The following CDKAL1 variants were observed in gnomAD, a reference collection of about 807,000 sequenced individuals.
CDKAL1 encodes threonylcarbamoyladenosine tRNA methylthiotransferase.
A neutral mutation model predicts 68.2 loss-of-function variants in CDKAL1; 32 were observed. The observed-to-expected ratio is 0.47, with a 90% CI of 0.35 to 0.63. The LOEUF is 0.63. CDKAL1 is among the 30% of genes least tolerant of loss of function. CDKAL1 has a pLI of 0.00. For missense variants in CDKAL1, 606 were observed against 696.7 expected (o/e 0.87, Z 1.47); for synonymous variants, 234 against 244.3 (o/e 0.96, Z 0.39).
chr6:21,093,727 T>A (rs866491884), intron 12 of CDKAL1, among the ~76,000 whole-genome samples: 1,338 of 43,452 alleles, frequency 0.031, 57 homozygotes, highest in Non-Finnish European at 0.043. Flanking sequence ...TTTTTTTTTT[T>A]TTTTTTTGGA....
Position 20,906,822 on chromosome 6 carries a change from CAG to C in CDKAL1, c.743-48594_743-48593del, listed in dbSNP as rs373644831. On this transcript the variant is annotated intron_variant, in intron 9 of 15. Transcript: ENST00000274695. ...AAGAAGTAAGTCCCTTCTTATCAGT[CAG>C]AGTCTGACATATACTAGAACACAGA... 1.6e-3 allele frequency among the ~76,000 whole-genome samples: 239 copies of C among 152,248 alleles called. 8 individuals carry two copies. The South Asian group carries it at 0.047, about 30-fold the overall frequency.
chr6:20,876,087 A>T (rs1382770696), intron 9 of CDKAL1, among the ~76,000 whole-genome samples: 1 of 152,262 alleles, frequency 6.6e-6, no homozygotes, highest in African/African-American at 2.4e-5. Context: ...TAAATAAATT[A>T]AAATGTAGGC....
intron 10 of CDKAL1, among the ~76,000 whole-genome samples, chr6:20,956,255 G>A (rs912979182): frequency 1.3e-5 from 2 of 152,152 alleles, no homozygotes; most frequent in African/African-American, 4.8e-5. Flanking sequence ...TGAGATCCCT[G>A]ATTTTGTTTT....
chr6:21,154,000 C>T (rs1776531706), intron 13 of CDKAL1, among the ~76,000 whole-genome samples: 1 of 152,122 alleles, frequency 6.6e-6, no homozygotes, highest in Admixed American at 6.5e-5. Flanking sequence ...ATATTCATGC[C>T]TGCCTTTAAT....
chr6:20,684,144 G>A (rs1770510166), intron 5 of CDKAL1, among the ~76,000 whole-genome samples: 1 of 152,154 alleles, frequency 6.6e-6, no homozygotes, highest in African/African-American at 2.4e-5. Context: ...TGGCAATTAT[G>A]AATAAAGCTG....
At chr6:20,810,285 C>T (rs1486919125) in intron 8 of CDKAL1, among the ~76,000 whole-genome samples, 1 of 151,872 alleles carries the variant, frequency 6.6e-6, no homozygotes, top group Non-Finnish European at 1.5e-5. Flanking sequence ...TGTTTTGAAG[C>T]AAAGTGCAGG....
chr6:20,643,006 T>G (rs1768261390), intron 4 of CDKAL1, among the ~76,000 whole-genome samples: 1 of 152,162 alleles, frequency 6.6e-6, no homozygotes, highest in Non-Finnish European at 1.5e-5. Flanking sequence ...AGTTTGCAGC[T>G]CTCCAAAATA....
At chr6:20,619,274 G>A (rs1393199888) in intron 4 of CDKAL1, among the ~76,000 whole-genome samples, 4 of 152,124 alleles carry the variant, frequency 2.6e-5, no homozygotes, top group Admixed American at 6.5e-5. Context: ...AGGTTGCAAG[G>A]CTTTAGTTAG....
At chr6:21,195,484 T>G (rs1266736534) in intron 13 of CDKAL1, among the ~76,000 whole-genome samples, 1 of 101,286 alleles carries the variant, frequency 9.9e-6, no homozygotes, top group Non-Finnish European at 2.4e-5. Flanking sequence ...TTTTTTTATT[T>G]ATTTATTTAT....
intron 5 of CDKAL1, among the ~76,000 whole-genome samples, chr6:20,650,437 C>T (rs1768706049): frequency 6.6e-6 from 1 of 151,866 alleles, no homozygotes; most frequent in Non-Finnish European, 1.5e-5. Context: ...TGTTTACATT[C>T]CTTATAGATT....
At chr6:21,141,496 G>A (rs890951563) in intron 13 of CDKAL1, among the ~76,000 whole-genome samples, 1 of 152,172 alleles carries the variant, frequency 6.6e-6, no homozygotes, top group African/African-American at 2.4e-5. Context: ...GTATGTCCCC[G>A]CGATTCACTC....
At chr6:20,699,584 T>TACCTGCTCATGGACATGTGTTC (rs2127813896) in intron 5 of CDKAL1, among the ~76,000 whole-genome samples, 1 of 152,216 alleles carries the variant, frequency 6.6e-6, no homozygotes, top group East Asian at 1.9e-4. Context: ...ATCATGTGTT[T>TACCTGCTCATGGACATGTGTTC]ACCTGCTCAT....
chr6:20,945,742 C>T (rs902362878), intron 9 of CDKAL1, among the ~76,000 whole-genome samples: 1 of 152,180 alleles, frequency 6.6e-6, no homozygotes, highest in South Asian at 2.1e-4. Context: ...AAGACAAGCA[C>T]CACTTTCTTT....
Position 20,955,589 on chromosome 6 carries a change from A to C in CDKAL1, c.909+4A>C. ...CTATATTTTAGAGCATCTGGAGGTA[A>C]GGAAAAGCACCCTATTTGCATGCTA... On this transcript the variant is annotated splice_donor_region_variant and intron_variant, in intron 10 of 15. Coordinates refer to ENST00000274695, the MANE Select transcript of CDKAL1 (RefSeq NM_017774.3). 6.2e-7 allele frequency: 1 copy of C among 1,613,836 alleles called. No individual in the cohort carries two copies. The highest frequency in any genetic ancestry group is 8.5e-7 in the Non-Finnish European group (1 of 1,179,834).
chr6:20,679,795 G>C (rs1006761015), intron 5 of CDKAL1, among the ~76,000 whole-genome samples: 2 of 152,074 alleles, frequency 1.3e-5, no homozygotes, highest in African/African-American at 4.8e-5. Context: ...TTTATGCCTA[G>C]TAGCCTTGGA....
At chr6:20,544,954 G>A (rs796322571) in intron 2 of CDKAL1, among the ~76,000 whole-genome samples, 16 of 139,578 alleles carry the variant, frequency 1.1e-4, no homozygotes, top group Admixed American at 1.1e-3. Flanking sequence ...CCTGGGGGTG[G>A]GATTACAGTT....
intron 8 of CDKAL1, among the ~76,000 whole-genome samples, chr6:20,811,787 A>T (rs182953851): frequency 0.29 from 42,863 of 145,950 alleles, 6,357 homozygotes; most frequent in East Asian, 0.52. Context: ...CCTAGTAGTA[A>T]AAAAAAAAAA....
At chr6:21,130,972 C>G (rs1196587202) in intron 13 of CDKAL1, among the ~76,000 whole-genome samples, 1 of 152,210 alleles carries the variant, frequency 6.6e-6, no homozygotes, top group Non-Finnish European at 1.5e-5. Context: ...AGTTTTCCTT[C>G]TGCACCAGCT....
intron 9 of CDKAL1, among the ~76,000 whole-genome samples, chr6:20,879,966 CTG>C (rs1354015371): frequency 6.6e-6 from 1 of 152,152 alleles, no homozygotes; most frequent in African/African-American, 2.4e-5. Flanking sequence ...TGTGAGAAGA[CTG>C]TGTTTTATTT....
Sources: allele counts gnomAD v4.1 joint callset (sites outside exome capture counted in the v4.1 genomes callset), GRCh38; gene constraint gnomAD v4.1.1; transcripts MANE v1.5; gene names NCBI Gene and HGNC (gene_info 2026-07-23, HGNC 2026-07-21).